Variants in PLPP4 observed in about 807,000 individuals in gnomAD.
PLPP4 encodes phospholipid phosphatase 4, also known as diacylglycerol pyrophosphate like 2.
Under a neutral mutation model 32.2 loss-of-function variants are expected in PLPP4, and 20 were observed. That is an observed-to-expected ratio of 0.62 (90% CI 0.44 to 0.90). The LOEUF (loss-of-function observed/expected upper bound fraction) is 0.90. Ranked by LOEUF, PLPP4 falls within the 40% of genes least tolerant of loss-of-function variation. The pLI, the probability that PLPP4 is intolerant of heterozygous loss-of-function variation, is 0.00. For synonymous variants in PLPP4, 127 were observed against 133.0 expected (o/e 0.95, Z 0.31); for missense variants, 257 against 353.1 (o/e 0.73, Z 2.18).
intron 5 of PLPP4, among the ~76,000 whole-genome samples, chr10:120,548,135 T>G (rs1281855669): frequency 6.6e-6 from 1 of 152,094 alleles, no homozygotes; most frequent in Non-Finnish European, 1.5e-5. Context: ...ATAGGTAAAT[T>G]GTGTGTTGTG....
chr10:120,549,158 A>T (rs1034866808), intron 5 of PLPP4, among the ~76,000 whole-genome samples: 1 of 151,592 alleles, frequency 6.6e-6, no homozygotes, highest in African/African-American at 2.4e-5. Flanking sequence ...ATCCAGGGAA[A>T]ATAGAGAACC....
At chr10:120,543,053 T>A (rs1386456631) in intron 5 of PLPP4, among the ~76,000 whole-genome samples, 1 of 151,754 alleles carries the variant, frequency 6.6e-6, no homozygotes, top group Non-Finnish European at 1.5e-5. Flanking sequence ...GGACGGTGGG[T>A]GAGTGTGGGT....
At chr10:120,526,982 T>C (rs552314304) in intron 5 of PLPP4, among the ~76,000 whole-genome samples, 1 of 152,240 alleles carries the variant, frequency 6.6e-6, no homozygotes, top group South Asian at 2.1e-4. Flanking sequence ...CCCATCTTCA[T>C]AGAGTGATGT....
chr10:120,584,122 C>T (rs962884075), intron 6 of PLPP4, among the ~76,000 whole-genome samples: 1 of 152,178 alleles, frequency 6.6e-6, no homozygotes, highest in Admixed American at 6.5e-5. Flanking sequence ...TTGTCATCAG[C>T]ACCTTCTCAC....
At chr10:120,528,496 A>G in intron 5 of PLPP4, among the ~76,000 whole-genome samples, 1 of 152,146 alleles carries the variant, frequency 6.6e-6, no homozygotes, top group East Asian at 1.9e-4. Flanking sequence ...TTTCTCTTAT[A>G]ACTTACAAAT....
chr10:120,512,687 C>T (rs1443086287), intron 2 of PLPP4, among the ~76,000 whole-genome samples: 1 of 152,128 alleles, frequency 6.6e-6, no homozygotes, highest in East Asian at 1.9e-4. Flanking sequence ...GTGGTGTGCA[C>T]CTGTAGTCCC....
chr10:120,518,732 A>G, intron 3 of PLPP4, 101 bp from the exon 4 acceptor site: 1 of 927,746 alleles, frequency 1.1e-6, no homozygotes, highest in Admixed American at 2.1e-5. Flanking sequence ...TGGTCATTAA[A>G]TAGTATTATA....
chr10:120,558,840 T>C (rs1848287409), intron 5 of PLPP4, among the ~76,000 whole-genome samples: 1 of 152,214 alleles, frequency 6.6e-6, no homozygotes, highest in African/African-American at 2.4e-5. Flanking sequence ...TTATAAAGTG[T>C]CAGCATGAAT....
chr10:120,589,889 A>G lies in PLPP4; in HGVS notation c.*387A>G, dbSNP rs1345389488. On this transcript the variant is annotated 3_prime_UTR_variant, in exon 7 of 7. Transcript: ENST00000398250. ...ACCCAGCGCAACAAGTCATTTGGAG[A>G]TGCAGCAGGTTTCTCAGAGACCCAA... 1 of 179,552 alleles carries G rather than the reference A, an allele frequency of 5.6e-6. No homozygotes were observed. Among genetic ancestry groups the G allele is most frequent in the Non-Finnish European group, 1.2e-5 (1 of 85,790 alleles). The allele number at this position is 179,552 out of a possible 1,614,324, so 11.1% of individuals were successfully genotyped here. A position where few individuals can be genotyped will look rare whatever the true frequency, so the allele number is the denominator to read the frequency against.
intron 5 of PLPP4, among the ~76,000 whole-genome samples, chr10:120,549,211 A>G (rs1347698415): frequency 1.3e-5 from 2 of 151,620 alleles, no homozygotes; most frequent in Non-Finnish European, 2.9e-5. Context: ...AAGCTATTAA[A>G]TATTTCCAAA....
intron 1 of PLPP4, among the ~76,000 whole-genome samples, chr10:120,458,746 C>T (rs75780401): frequency 0.011 from 1,639 of 152,262 alleles, 36 homozygotes; most frequent in African/African-American, 0.036. Flanking sequence ...TTCCCTTCTC[C>T]TACTCTATTT....
At chr10:120,470,058 C>G (rs1848450745) in intron 1 of PLPP4, among the ~76,000 whole-genome samples, 1 of 152,210 alleles carries the variant, frequency 6.6e-6, no homozygotes, top group Non-Finnish European at 1.5e-5. Flanking sequence ...ATTGTCCACC[C>G]AAAGAGCTAC....
chr10:120,466,775 C>T (rs117257084), intron 1 of PLPP4, among the ~76,000 whole-genome samples: 3,227 of 151,926 alleles, frequency 0.021, 69 homozygotes, highest in Non-Finnish European at 0.028. Context: ...CTCTCACCTC[C>T]TAGGGAGCTT....
chr10:120,511,029 C>T (rs1055618450), intron 2 of PLPP4, among the ~76,000 whole-genome samples: 1 of 152,156 alleles, frequency 6.6e-6, no homozygotes, highest in South Asian at 2.1e-4. Context: ...ATATGGGGAG[C>T]CTTGGGCCCT....
chr10:120,568,977 G>A (rs763273184), intron 5 of PLPP4, among the ~76,000 whole-genome samples: 2 of 152,108 alleles, frequency 1.3e-5, no homozygotes, highest in African/African-American at 2.4e-5. Flanking sequence ...GGTGGCTCAC[G>A]ACTGTAATCC....
chr10:120,581,249 C>T (rs1849496088), intron 6 of PLPP4: 1 of 985,282 alleles, frequency 1.0e-6, no homozygotes. Context: ...TCAAGGGAAC[C>T]TGTCTCTTCT....
chr10:120,485,951 C>T (rs144058644), intron 1 of PLPP4, among the ~76,000 whole-genome samples: 3 of 152,294 alleles, frequency 2.0e-5, no homozygotes, highest in Non-Finnish European at 4.4e-5. Flanking sequence ...ACACCAACTG[C>T]TGCACGATAT....
chr10:120,474,742 T>C (rs1289329393), intron 1 of PLPP4, among the ~76,000 whole-genome samples: 1 of 152,202 alleles, frequency 6.6e-6, no homozygotes, highest in African/African-American at 2.4e-5. Flanking sequence ...GATGATGATA[T>C]GATAATGATG....
intron 5 of PLPP4, among the ~76,000 whole-genome samples, chr10:120,565,547 G>A (rs1398491942): frequency 6.6e-6 from 1 of 152,090 alleles, no homozygotes; most frequent in African/African-American, 2.4e-5. Context: ...GTCTTAAACT[G>A]CTGCTCCTTT....
Sources: allele counts gnomAD v4.1 joint callset (sites outside exome capture counted in the v4.1 genomes callset), GRCh38; gene constraint gnomAD v4.1.1; transcripts MANE v1.5; gene names NCBI Gene and HGNC (gene_info 2026-07-23, HGNC 2026-07-21).